The following DPP6 variants were observed in gnomAD, a reference collection of about 807,000 sequenced individuals.
DPP6 encodes dipeptidyl peptidase like 6.
Under a neutral mutation model 122.6 loss-of-function variants are expected in DPP6, and 69 were observed. The ratio of observed to expected loss-of-function variants is 0.56; its 90% CI spans 0.46 to 0.69. The LOEUF (loss-of-function observed/expected upper bound fraction) is 0.69. Among genes scored for constraint, DPP6 ranks in the 30% least tolerant of loss-of-function variants. The pLI is 0.00. For synonymous variants in DPP6, 418 were observed against 433.1 expected (o/e 0.97, Z 0.43); for missense variants, 928 against 1,116.9 (o/e 0.83, Z 2.41).
chr7:154,855,835 T>C (rs1158286713), intron 17 of DPP6, among the ~76,000 whole-genome samples: 1 of 152,246 alleles, frequency 6.6e-6, no homozygotes, highest in East Asian at 1.9e-4. Flanking sequence ...TTTTTTTCCT[T>C]AAGCAAATGT....
the DPP6 span, among the ~76,000 whole-genome samples, chr7:153,813,211 G>A: frequency 1.5e-5 from 2 of 132,876 alleles, no homozygotes; most frequent in African/African-American, 5.7e-5. Context: ...AGAGTGTGAT[G>A]TTCCCCTTCC....
chr7:153,811,339 G>A, the DPP6 span, among the ~76,000 whole-genome samples: 1 of 152,046 alleles, frequency 6.6e-6, no homozygotes, highest in Non-Finnish European at 1.5e-5. Context: ...CTGGAATATG[G>A]CCCATTAAAT....
intron 1 of DPP6, among the ~76,000 whole-genome samples, chr7:154,065,457 A>T (rs762907398): frequency 6.6e-6 from 1 of 151,768 alleles, no homozygotes; most frequent in Non-Finnish European, 1.5e-5. Context: ...CCCAGTAAGA[A>T]CAAAACAGGA....
In DPP6 at chr7:154,384,660, A is replaced by G. The variant is rs114532235; in HGVS notation, c.244-61554A>G. Among the ~76,000 whole-genome samples, 834 of 152,316 alleles carry G rather than the reference A, an allele frequency of 5.5e-3. 8 individuals are homozygous for G. Among genetic ancestry groups the G allele is most frequent in the African/African-American group, 0.019 (789 of 41,570 alleles). ...GTTCACTGAATTTTATTTCCAAAAAAATGGAAAGCTCTAGTAACGTTCTGC... is the reference window on the plus strand; with the variant it reads ...GTTCACTGAATTTTATTTCCAAAAAGATGGAAAGCTCTAGTAACGTTCTGC... On this transcript the variant is annotated intron_variant, in intron 1 of 25. Transcript: ENST00000377770.
chr7:154,118,272 C>T (rs906999995), intron 1 of DPP6, among the ~76,000 whole-genome samples: 9 of 150,280 alleles, frequency 6.0e-5, no homozygotes, highest in Non-Finnish European at 1.2e-4. Context: ...CTGGGACATA[C>T]ATATGAAATA....
At chr7:154,459,220 A>G (rs912837533) in intron 2 of DPP6, among the ~76,000 whole-genome samples, 3 of 151,228 alleles carry the variant, frequency 2.0e-5, no homozygotes, top group Non-Finnish European at 4.4e-5. Context: ...AGACTAAGTA[A>G]CCCCTTACAA....
At chr7:154,093,251 C>A (rs1346223051) in intron 1 of DPP6, among the ~76,000 whole-genome samples, 1 of 147,946 alleles carries the variant, frequency 6.8e-6, no homozygotes, top group Non-Finnish European at 1.5e-5. Flanking sequence ...CATAACACAC[C>A]ACATGCCATA....
chr7:154,223,055 A>C (rs912069669), intron 1 of DPP6, among the ~76,000 whole-genome samples: 4 of 149,188 alleles, frequency 2.7e-5, no homozygotes, highest in Non-Finnish European at 5.9e-5. Flanking sequence ...GTTGAGGTAG[A>C]ACAGACTGCT....
intron 2 of DPP6, among the ~76,000 whole-genome samples, chr7:154,453,540 A>T (rs1473512102): frequency 1.3e-5 from 2 of 149,368 alleles, no homozygotes; most frequent in Admixed American, 1.3e-4. Flanking sequence ...ATTTAACATA[A>T]ATATTATATA....
chr7:154,449,237 A>G (rs1356911225), intron 2 of DPP6, among the ~76,000 whole-genome samples: 1 of 152,180 alleles, frequency 6.6e-6, no homozygotes, highest in East Asian at 1.9e-4. Context: ...AAACAAAAAA[A>G]CAAATAATTC....
intron 1 of DPP6, among the ~76,000 whole-genome samples, chr7:153,910,234 C>CTTTTTTCT (rs750065238): frequency 4.4e-5 from 6 of 137,750 alleles, no homozygotes; most frequent in African/African-American, 1.6e-4. Flanking sequence ...TTCTTTCTTT[C>CTTTTTTCT]TTTTTTTTTT....
At chr7:154,098,503 A>G (rs567975639) in intron 1 of DPP6, among the ~76,000 whole-genome samples, 90 of 152,140 alleles carry the variant, frequency 5.9e-4, no homozygotes, top group Non-Finnish European at 1.1e-3. Context: ...AGGTCTAGGC[A>G]GGTAATTAGA....
intron 4 of DPP6, among the ~76,000 whole-genome samples, chr7:154,553,902 CAAAAAA>C (rs56020996): frequency 0.013 from 1,354 of 103,126 alleles, 26 homozygotes; most frequent in African/African-American, 0.045. Flanking sequence ...AGCCTAATGC[CAAAAAA>C]AAAAAAAAAA....
rs141549009 is a variant in DPP6, at chr7:154,653,804, G to A, written c.681-15556G>A. ...CCCCGTCATGTCTTCATTTCACAGAGTTTGTTGAGCACTGATCTTGATATT... is the reference window on the plus strand; with the variant it reads ...CCCCGTCATGTCTTCATTTCACAGAATTTGTTGAGCACTGATCTTGATATT... On this transcript the variant is annotated intron_variant, in intron 6 of 25. Coordinates refer to ENST00000377770, the MANE Select transcript of DPP6 (RefSeq NM_130797.4). 1.9e-3 allele frequency among the ~76,000 whole-genome samples: 294 copies of A among 152,188 alleles called. 1 individual carries two copies. The highest frequency in any genetic ancestry group is 3.6e-3 in the Non-Finnish European group (245 of 68,014).
intron 1 of DPP6, among the ~76,000 whole-genome samples, chr7:154,304,263 G>A (rs1269839789): frequency 1.3e-5 from 2 of 152,208 alleles, no homozygotes; most frequent in South Asian, 2.1e-4. Context: ...AGGCCTCTGG[G>A]CACTGAGTTC....
chr7:154,342,988 C>T (rs1230833683), intron 1 of DPP6, among the ~76,000 whole-genome samples: 1 of 152,226 alleles, frequency 6.6e-6, no homozygotes, highest in Admixed American at 6.5e-5. Flanking sequence ...TGATGTGCCT[C>T]ACTTGAAGGC....
At chr7:154,834,852 A>G (rs1800923298) in intron 16 of DPP6, among the ~76,000 whole-genome samples, 1 of 152,234 alleles carries the variant, frequency 6.6e-6, no homozygotes, top group African/African-American at 2.4e-5. Flanking sequence ...GGTCTGAGAA[A>G]GACTCTAGGA....
intron 1 of DPP6, among the ~76,000 whole-genome samples, chr7:154,112,174 C>A (rs1806638539): frequency 6.6e-6 from 1 of 152,148 alleles, no homozygotes; most frequent in Non-Finnish European, 1.5e-5. Context: ...TATCATATCA[C>A]CTGTTATGGT....
At chr7:154,661,912 A>T (rs1371864034) in intron 6 of DPP6, among the ~76,000 whole-genome samples, 2 of 151,484 alleles carry the variant, frequency 1.3e-5, no homozygotes, top group Non-Finnish European at 1.5e-5. Context: ...GTGTTCACGC[A>T]GTCATGGTGA....
Sources: allele counts gnomAD v4.1 joint callset (sites outside exome capture counted in the v4.1 genomes callset), GRCh38; gene constraint gnomAD v4.1.1; transcripts MANE v1.5; gene names NCBI Gene and HGNC (gene_info 2026-07-23, HGNC 2026-07-21).